KCNQ3: variants seen among roughly 807,000 people sequenced by gnomAD.
The protein encoded by KCNQ3 is potassium voltage-gated channel subfamily KQT member 3.
A neutral mutation model predicts 92.5 loss-of-function variants in KCNQ3; 30 were observed. The ratio of observed to expected loss-of-function variants is 0.32; its 90% CI spans 0.24 to 0.44. KCNQ3 has a LOEUF of 0.44. Among genes scored for constraint, KCNQ3 ranks in the 20% least tolerant of loss-of-function variants. KCNQ3 has a pLI of 1.00. For missense variants in KCNQ3, 913 were observed against 1,140.3 expected (o/e 0.80, Z 2.87); for synonymous variants, 450 against 468.8 (o/e 0.96, Z 0.52).
chr8:132,156,196 A>G (rs995915197), intron 9 of KCNQ3, among the ~76,000 whole-genome samples: 1 of 151,830 alleles, frequency 6.6e-6, no homozygotes, highest in Non-Finnish European at 1.5e-5. Flanking sequence ...GTGAGCACCT[A>G]TCATGTCTTG....
intron 1 of KCNQ3, among the ~76,000 whole-genome samples, chr8:132,280,718 GA>G (rs1367716380): frequency 2.0e-5 from 3 of 152,192 alleles, no homozygotes; most frequent in African/African-American, 7.2e-5. Flanking sequence ...AAGATATACA[GA>G]AAGCATATTC....
intron 1 of KCNQ3, among the ~76,000 whole-genome samples, chr8:132,369,303 T>C (rs1281716092): frequency 1.3e-5 from 2 of 152,160 alleles, no homozygotes; most frequent in Admixed American, 1.3e-4. Context: ...TAGCAGAAAG[T>C]CACAACGTGC....
chr8:132,397,286 TTC>T (rs1373570199), intron 1 of KCNQ3, among the ~76,000 whole-genome samples: 1 of 152,196 alleles, frequency 6.6e-6, no homozygotes, highest in African/African-American at 2.4e-5. Context: ...AGTGCCCTCT[TTC>T]AAGGTACAAT....
intron 1 of KCNQ3, among the ~76,000 whole-genome samples, chr8:132,411,255 T>C (rs890012533): frequency 6.6e-6 from 1 of 152,202 alleles, no homozygotes; most frequent in East Asian, 1.9e-4. Flanking sequence ...TCACACATTG[T>C]TGCCTAAGAT....
intron 1 of KCNQ3, among the ~76,000 whole-genome samples, chr8:132,335,588 G>A (rs2130671993): frequency 6.6e-6 from 1 of 152,296 alleles, no homozygotes; most frequent in South Asian, 2.1e-4. Flanking sequence ...AGCAAAGGTT[G>A]GGGATGTCAG....
intron 1 of KCNQ3, among the ~76,000 whole-genome samples, chr8:132,248,343 T>C (rs1437706036): frequency 1.3e-5 from 2 of 149,406 alleles, no homozygotes; most frequent in Admixed American, 1.3e-4. Context: ...AGTATATATA[T>C]ATATATATAT....
chr8:132,453,648 T>C (rs778343277), intron 1 of KCNQ3, among the ~76,000 whole-genome samples: 3 of 151,962 alleles, frequency 2.0e-5, no homozygotes, highest in African/African-American at 4.8e-5. Flanking sequence ...GTGAGCTGGA[T>C]CATGATCAGT....
chr8:132,385,734 T>G (rs1179940975), intron 1 of KCNQ3, among the ~76,000 whole-genome samples: 1 of 151,994 alleles, frequency 6.6e-6, no homozygotes, highest in Non-Finnish European at 1.5e-5. Context: ...TGGGGACAAA[T>G]TTGTGTATGG....
At chr8:132,207,639 C>A (rs377536579) in intron 1 of KCNQ3, among the ~76,000 whole-genome samples, 1 of 151,950 alleles carries the variant, frequency 6.6e-6, no homozygotes, top group Non-Finnish European at 1.5e-5. Context: ...GCCCTGGAGA[C>A]TTTTTTCACT....
At chr8:132,249,228 C>T (rs550221673) in intron 1 of KCNQ3, among the ~76,000 whole-genome samples, 2 of 152,318 alleles carry the variant, frequency 1.3e-5, no homozygotes, top group East Asian at 1.9e-4. Flanking sequence ...GTTGCCACTG[C>T]CAGCTGGGGC....
At chr8:132,474,603 A>C (rs1302218921) in intron 1 of KCNQ3, among the ~76,000 whole-genome samples, 1 of 152,176 alleles carries the variant, frequency 6.6e-6, no homozygotes, top group Non-Finnish European at 1.5e-5. Flanking sequence ...TAGTAAAGCT[A>C]TTGCAGCAAA....
intron 13 of KCNQ3, 40 bp from the exon 14 acceptor site, chr8:132,132,304 A>AT (rs1452460176): frequency 1.7e-5 from 25 of 1,513,716 alleles, no homozygotes; most frequent in Non-Finnish European, 2.0e-5. Context: ...CATTATATCT[A>AT]TTTTTGCTAT....
In KCNQ3 at chr8:132,337,802, T is replaced by C. The variant is rs144174585; in HGVS notation, c.386+142345A>G. ...TGCCTGGCATATAATAAATATTCAATGCATATTGCCCCAAAAACCTTTTGT... is the reference window on the plus strand; with the variant it reads ...TGCCTGGCATATAATAAATATTCAACGCATATTGCCCCAAAAACCTTTTGT... On this transcript the variant is annotated intron_variant, in intron 1 of 14. Transcript: ENST00000388996. 5.5e-3 allele frequency among the ~76,000 whole-genome samples: 835 copies of C among 152,324 alleles called. 9 individuals carry two copies. The highest frequency in any genetic ancestry group is 0.019 in the African/African-American group (793 of 41,568).
intron 1 of KCNQ3, among the ~76,000 whole-genome samples, chr8:132,348,348 G>A (rs1005375377): frequency 7.2e-5 from 11 of 152,158 alleles, no homozygotes; most frequent in Admixed American, 5.2e-4. Flanking sequence ...TTGGATAAGG[G>A]CTGTTAGAGA....
rs1824739820 is a variant in KCNQ3, at chr8:132,128,463, A to G, written c.*799T>C. 6.6e-6 allele frequency: 1 copy of G among 151,300 alleles called. No individual in the cohort carries two copies. Among genetic ancestry groups the G allele is most frequent in the South Asian group, 2.1e-4 (1 of 4,798 alleles). The allele number at this position is 151,300 out of a possible 1,614,324, so 9.4% of individuals were successfully genotyped here. On this transcript the variant is annotated 3_prime_UTR_variant, in exon 15 of 15. Coordinates refer to ENST00000388996, the MANE Select transcript of KCNQ3 (RefSeq NM_004519.4). ...GGGCACTTCACTTCTGATAAATTCC[A>G]TTGTCCTTGGCTACATAAATTGGAA... is the stretch of plus-strand genomic sequence containing the variant.
rs183051092 is a variant in KCNQ3, at chr8:132,266,487, T to C, written c.387-80306A>G. 3.7e-3 allele frequency among the ~76,000 whole-genome samples: 562 copies of C among 152,264 alleles called. 15 individuals are homozygous for C. Among genetic ancestry groups the C allele is most frequent in the Admixed American group, 0.036 (546 of 15,292 alleles). Reference sequence around the variant, plus strand: ...ACAGCAAGCTCATCACAGCCTGTTTTTTATACTTTTTGGACACTCATACTG... The same window carrying C: ...ACAGCAAGCTCATCACAGCCTGTTTCTTATACTTTTTGGACACTCATACTG... On this transcript the variant is annotated intron_variant, in intron 1 of 14. Transcript: ENST00000388996.
At position 132,148,643 on chromosome 8, in the gene KCNQ3, A is replaced by C. The variant is rs112962099; in HGVS notation, c.1263-7312T>G. On this transcript the variant is annotated intron_variant, in intron 9 of 14. Transcript: ENST00000388996. ...TTAGCAGTTGAATCAGTAGACTGAG[A>C]AAAGATCAGCCTTCACCAATGTGGA... 6.3e-3 allele frequency among the ~76,000 whole-genome samples: 960 copies of C among 152,358 alleles called. 9 individuals carry two copies. Among genetic ancestry groups the C allele is most frequent in the African/African-American group, 0.022 (907 of 41,586 alleles).
At chr8:132,387,166 A>G (rs1395443225) in intron 1 of KCNQ3, among the ~76,000 whole-genome samples, 4 of 152,230 alleles carry the variant, frequency 2.6e-5, no homozygotes, top group Non-Finnish European at 2.9e-5. Context: ...TATTAAAAGA[A>G]AAAGAAAATC....
intron 8 of KCNQ3, among the ~76,000 whole-genome samples, chr8:132,164,930 A>T (rs1826098651): frequency 1.3e-5 from 2 of 152,026 alleles, no homozygotes; most frequent in South Asian, 2.1e-4. Flanking sequence ...GGCTCCACTC[A>T]CCGGACTTCT....
Sources: allele counts gnomAD v4.1 joint callset (sites outside exome capture counted in the v4.1 genomes callset), GRCh38; gene constraint gnomAD v4.1.1; transcripts MANE v1.5; gene names NCBI Gene and HGNC (gene_info 2026-07-23, HGNC 2026-07-21).